TBC1D22A: variants seen among roughly 807,000 people sequenced by gnomAD.
TBC1D22A encodes the protein putative GTPase activator.
TBC1D22A carries 38 observed loss-of-function variants against 60.2 expected under a neutral mutation model. That is an observed-to-expected ratio of 0.63 (90% CI 0.49 to 0.83). The LOEUF (loss-of-function observed/expected upper bound fraction) is 0.83. TBC1D22A is among the 40% of genes least tolerant of loss of function. The pLI is 0.00. For synonymous variants in TBC1D22A, 302 were observed against 281.7 expected (o/e 1.07, Z -0.72); for missense variants, 628 against 701.0 (o/e 0.90, Z 1.18).
chr22:47,151,061 C>A (rs2067481864), intron 12 of TBC1D22A, among the ~76,000 whole-genome samples: 1 of 152,090 alleles, frequency 6.6e-6, no homozygotes, highest in African/African-American at 2.4e-5. Context: ...CCGCTGTGGC[C>A]CCTCAGAGGC....
chr22:47,152,361 G>A (rs1032240051), intron 12 of TBC1D22A, among the ~76,000 whole-genome samples: 1 of 152,204 alleles, frequency 6.6e-6, no homozygotes, highest in African/African-American at 2.4e-5. Flanking sequence ...GCCCCTGGGG[G>A]CACCGTGTCA....
chr22:47,079,297 G>A (rs1466453324), intron 11 of TBC1D22A, among the ~76,000 whole-genome samples: 7 of 152,056 alleles, frequency 4.6e-5, no homozygotes, highest in Non-Finnish European at 8.8e-5. Context: ...ATATTGGCCA[G>A]GCTGGTGTTG....
At chr22:46,810,015 TC>T (rs1367111643) in intron 4 of TBC1D22A, among the ~76,000 whole-genome samples, 2 of 152,208 alleles carry the variant, frequency 1.3e-5, no homozygotes, top group African/African-American at 2.4e-5. Flanking sequence ...CATATCTAAG[TC>T]AAAATTTCAT....
chr22:47,147,987 C>G (rs946447476), intron 12 of TBC1D22A, among the ~76,000 whole-genome samples: 47 of 152,176 alleles, frequency 3.1e-4, no homozygotes, highest in African/African-American at 1.0e-3. Flanking sequence ...CCCCACCAGG[C>G]TCCTCCTTCC....
rs1475184817 is a variant in TBC1D22A at position 47,074,409 on chromosome 22, T to G, written c.1330-37099T>G. Among the ~76,000 whole-genome samples the G allele has an allele frequency of 3.9e-5, 6 of 152,214 alleles. No homozygotes were observed. In the East Asian group the frequency reaches 1.2e-3, roughly 29 times the overall value. The stretch of plus-strand genomic sequence containing the variant: ...CACTTGGAAATGTCACCATGACAAC[T>G]GAGGAGGTGCTGGAAGCAGGCACTT... On this transcript the variant is annotated intron_variant, in intron 11 of 12. Coordinates refer to ENST00000337137, the MANE Select transcript of TBC1D22A (RefSeq NM_014346.5).
intron 9 of TBC1D22A, among the ~76,000 whole-genome samples, chr22:46,978,409 T>C (rs1294591766): frequency 1.3e-5 from 2 of 152,268 alleles, no homozygotes; most frequent in African/African-American, 4.8e-5. Flanking sequence ...GATAGATTAC[T>C]ATTTTTCGAA....
intron 8 of TBC1D22A, among the ~76,000 whole-genome samples, chr22:46,967,691 TC>T (rs1415978195): frequency 1.3e-5 from 2 of 152,202 alleles, no homozygotes; most frequent in Non-Finnish European, 2.9e-5. Flanking sequence ...TTTTCCCCTT[TC>T]CCCAGTACCA....
intron 12 of TBC1D22A, among the ~76,000 whole-genome samples, chr22:47,138,151 G>A (rs1204109288): frequency 1.3e-5 from 2 of 152,178 alleles, no homozygotes; most frequent in Non-Finnish European, 2.9e-5. Context: ...CCAGGTAGCG[G>A]CACCTCACAG....
rs1002114958 is a variant in TBC1D22A at position 47,033,713 on chromosome 22, CAG to C, written c.1202-3354_1202-3353del. On this transcript the variant is annotated intron_variant, in intron 10 of 12. Transcript: ENST00000337137. ...GACGTCTGGGTAGCCTCGCACTGAG[CAG>C]AGACAGGTGCCCTGGTGGAAGGCTG... 1.1e-4 allele frequency among the ~76,000 whole-genome samples: 17 copies of C among 152,198 alleles called. 1 individual carries two copies. Among genetic ancestry groups the C allele is most frequent in the African/African-American group, 4.1e-4 (17 of 41,444 alleles).
rs550454771 is a variant in TBC1D22A, at chr22:47,009,513, A to G, written c.1201+11804A>G. The stretch of plus-strand genomic sequence containing the variant: ...TTTCATCACCATCATCACCACCATC[A>G]TCTTCACCATCACCATCATCATCAT... On this transcript the variant is annotated intron_variant, in intron 10 of 12. Coordinates refer to ENST00000337137, the MANE Select transcript of TBC1D22A (RefSeq NM_014346.5). The surrounding 1 kb of genome is among the most constrained non-coding windows in gnomAD (Gnocchi z 5.8). Among the ~76,000 whole-genome samples the G allele has an allele frequency of 0.015, 2,158 of 148,582 alleles. 62 individuals are homozygous for G. Among genetic ancestry groups the G allele is most frequent in the African/African-American group, 0.051 (2,052 of 39,960 alleles).
rs529163105 is a variant in TBC1D22A, at chr22:47,065,003, A to T, written c.1329+27805A>T. ...TTTTATTTTATTTATTTATTTTTTG[A>T]GACGGAGTCTCACTCTGTCACCCAG... On this transcript the variant is annotated intron_variant, in intron 11 of 12. Coordinates refer to ENST00000337137, the MANE Select transcript of TBC1D22A (RefSeq NM_014346.5). 5.3e-5 allele frequency among the ~76,000 whole-genome samples: 8 copies of T among 152,206 alleles called. No individual in the cohort carries two copies. The South Asian group carries it at 1.7e-3, about 32-fold the overall frequency.
intron 4 of TBC1D22A, among the ~76,000 whole-genome samples, chr22:46,837,049 T>C (rs989522856): frequency 6.7e-6 from 1 of 150,118 alleles, no homozygotes; most frequent in African/African-American, 2.4e-5. Context: ...TAGTCCTAGG[T>C]GCATATTTGA....
intron 12 of TBC1D22A, among the ~76,000 whole-genome samples, chr22:47,170,593 A>G (rs2068395017): frequency 1.3e-5 from 2 of 152,188 alleles, no homozygotes; most frequent in Admixed American, 6.5e-5. Context: ...CGAAATAGCA[A>G]TTGGAAGACG....
intron 7 of TBC1D22A, among the ~76,000 whole-genome samples, chr22:46,906,905 C>T (rs539759808): frequency 6.6e-6 from 1 of 151,772 alleles, no homozygotes; most frequent in Non-Finnish European, 1.5e-5. Context: ...TGTATATGTG[C>T]GCATGTGCTT....
chr22:46,775,644 T>C (rs2083672927), intron 1 of TBC1D22A, among the ~76,000 whole-genome samples: 1 of 152,188 alleles, frequency 6.6e-6, no homozygotes, highest in South Asian at 2.1e-4. Context: ...TTAATCTCTA[T>C]AGTGAGTTAG....
rs2068547782 is a variant in TBC1D22A at position 47,173,027 on chromosome 22, GC to G, written c.1426-470del. ...CCAGGGGTGCTGCGGTACTTCCTGGGCTGATACAGGCTTTGTGGGAGTGGGA... is the reference window on the plus strand; with the variant it reads ...CCAGGGGTGCTGCGGTACTTCCTGGGTGATACAGGCTTTGTGGGAGTGGGA... On this transcript the variant is annotated intron_variant, in intron 12 of 12. Transcript: ENST00000337137. Among the ~76,000 whole-genome samples, 3 of 152,376 alleles carry G rather than the reference GC, an allele frequency of 2.0e-5. No individual in the cohort carries two copies. In the South Asian group the frequency reaches 6.2e-4, roughly 32 times the overall value.
rs947536109 is a variant in TBC1D22A at position 46,790,946 on chromosome 22, A to G, written c.63-1574A>G. ...CTATATTATTTTATTTTTTAGAGAC[A>G]GGGTCTTACTCTGTAACCCAGATTG... On this transcript the variant is annotated intron_variant, in intron 1 of 12. Transcript: ENST00000337137. Among the ~76,000 whole-genome samples the G allele has an allele frequency of 7.2e-5, 11 of 152,372 alleles. No individual in the cohort carries two copies. The South Asian group carries it at 2.1e-3, about 29-fold the overall frequency.
intron 12 of TBC1D22A, among the ~76,000 whole-genome samples, chr22:47,147,105 G>A (rs867172236): frequency 5.9e-4 from 90 of 152,336 alleles, no homozygotes; most frequent in African/African-American, 1.9e-3. Flanking sequence ...CCAGAAGGGC[G>A]AGGGAGGAGC....
At position 46,948,166 on chromosome 22, in the gene TBC1D22A, A is replaced by T. The variant is rs145494875; in HGVS notation, c.1016-26124A>T. Among the ~76,000 whole-genome samples, 363 of 152,354 alleles carry T rather than the reference A, an allele frequency of 2.4e-3. 1 individual carries two copies. Among genetic ancestry groups the T allele is most frequent in the African/African-American group, 8.3e-3 (346 of 41,580 alleles). ...ATAAAAACAAACCTGCATATCTTCAAATAAAACATTTTAGCTGAAAGAGAG... is the reference window on the plus strand; with the variant it reads ...ATAAAAACAAACCTGCATATCTTCATATAAAACATTTTAGCTGAAAGAGAG... On this transcript the variant is annotated intron_variant, in intron 8 of 12. Coordinates refer to ENST00000337137, the MANE Select transcript of TBC1D22A (RefSeq NM_014346.5).
Sources: allele counts gnomAD v4.1 joint callset (sites outside exome capture counted in the v4.1 genomes callset), GRCh38; gene constraint gnomAD v4.1.1; non-coding constraint Gnocchi (gnomAD v3.1); transcripts MANE v1.5; gene names NCBI Gene and HGNC (gene_info 2026-07-23, HGNC 2026-07-21).